The following KIR3DL2 variants were observed in gnomAD, a reference collection of about 807,000 sequenced individuals.
The protein encoded by KIR3DL2 is killer cell immunoglobulin like receptor, three Ig domains and long cytoplasmic tail 2.
KIR3DL2 carries 42 observed loss-of-function variants against 41.6 expected under a neutral mutation model. The ratio of observed to expected loss-of-function variants is 1.01; its 90% CI spans 0.79 to 1.31. KIR3DL2 has a LOEUF of 1.31. Ranked by LOEUF, KIR3DL2 falls within the 50% of genes most tolerant of loss-of-function variation. The probability of loss-of-function intolerance (pLI) is 0.00; values close to 1 mark genes in which losing one functional copy is unlikely to be tolerated. For missense variants in KIR3DL2, 728 were observed against 576.8 expected (o/e 1.26, Z -2.68); for synonymous variants, 230 against 221.3 (o/e 1.04, Z -0.35).
chr19:54,850,505 C>T lies in KIR3DL2; in HGVS notation c.30C>T (p.Cys10=), dbSNP rs766674176. 7.8e-5 allele frequency: 125 copies of T among 1,603,514 alleles called. No homozygotes were observed. Among genetic ancestry groups the T allele is most frequent in the South Asian group, 1.7e-4 (15 of 90,794 alleles). ...CGCTCACGGTCGTCAGCATGGCGTG[C>T]GTTGGTGAGTCCTGGAAGGGAATAG... MSLTVVSMA[C]VGFFLLQGAW... is the part of the protein sequence containing the mutation. The change falls in exon 1 of 9, where the codon TGC becomes TGT. Residue 10 remains cysteine (C), a synonymous_variant. Coordinates refer to ENST00000326321, the MANE Select transcript of KIR3DL2 (RefSeq NM_006737.4).
intron 6 of KIR3DL2, among the ~76,000 whole-genome samples, chr19:54,864,501 C>A (rs2065375548): frequency 6.6e-6 from 1 of 151,988 alleles, no homozygotes; most frequent in South Asian, 2.1e-4. Flanking sequence ...ATGGAATGTT[C>A]TTCCATTTGT....
rs776512516 is a variant in KIR3DL2 at position 54,866,601 on chromosome 19, G to C, written c.1238G>C (p.Arg413Pro). 6.2e-7 allele frequency: 1 copy of C among 1,613,864 alleles called. No homozygotes were observed. Among genetic ancestry groups the C allele is most frequent in the Admixed American group, 1.7e-5 (1 of 60,010 alleles). Residue 413 changes from arginine (R) to proline (P), a missense_variant, in exon 9 of 9, where the codon CGC becomes CCC. Arg to Pro is a moderately radical substitution (Grantham distance 103). Transcript: ENST00000326321. ...GTTTTCATACAGAGAAAAATCAGTC[G>C]CCCTTCTCAGAGGCCCAAGACACCC... ...HCVFIQRKIS[R>P]PSQRPKTPLT...
In KIR3DL2 at chr19:54,852,271, T is replaced by C. The variant is rs767085956; in HGVS notation, c.344T>C (p.Ile115Thr). 1.2e-6 allele frequency: 2 copies of C among 1,607,718 alleles called. No individual in the cohort carries two copies. The highest frequency in any genetic ancestry group is 1.7e-6 in the Non-Finnish European group (2 of 1,177,124). The change falls in exon 3 of 9, where the codon ATC (isoleucine) becomes ACC (threonine). Residue 115 changes from isoleucine to threonine, a missense_variant. By Grantham distance (89) the Ile-to-Thr change is moderately conservative. Transcript: ENST00000326321. ...TCGGCACCCAGCAACCCCCTGGTGATCATGGTCACAGGTCAGAGGCTTTCT... is the reference window on the plus strand; with the variant it reads ...TCGGCACCCAGCAACCCCCTGGTGACCATGGTCACAGGTCAGAGGCTTTCT... Reference protein sequence around the residue: ...GWSAPSNPLVIMVTGNHRKPS... With the variant: ...GWSAPSNPLVTMVTGNHRKPS...
At position 54,853,821 on chromosome 19, in the gene KIR3DL2, T is replaced by C. The variant is rs2064499236; in HGVS notation, c.430T>C (p.Cys144Arg). The C allele has an allele frequency of 6.2e-7, 1 of 1,612,890 alleles. No individual in the cohort carries two copies. Among genetic ancestry groups the C allele is most frequent in the African/African-American group, 1.3e-5 (1 of 74,598 alleles). Residue 144 changes from cysteine (C) to arginine (R), a missense_variant, in exon 4 of 9, where the codon TGT (cysteine) becomes CGT (arginine). Cys to Arg is a radical substitution (Grantham distance 180). Coordinates refer to ENST00000326321, the MANE Select transcript of KIR3DL2 (RefSeq NM_006737.4). ...LKSGETVILQ[C>R]WSDVMFEHFF... ...ATCAGGAGAGACAGTCATCCTGCAA[T>C]GTTGGTCAGATGTCATGTTTGAGCA... is the stretch of plus-strand genomic sequence containing the variant.
intron 6 of KIR3DL2, among the ~76,000 whole-genome samples, chr19:54,865,490 C>T (rs1172260481): frequency 1.3e-5 from 2 of 152,124 alleles, no homozygotes; most frequent in African/African-American, 4.8e-5. Context: ...TTAATCTATT[C>T]ATGATGGATC....
intron 6 of KIR3DL2, among the ~76,000 whole-genome samples, chr19:54,862,604 A>G (rs1028512819): frequency 1.3e-5 from 2 of 151,872 alleles, no homozygotes; most frequent in Non-Finnish European, 2.9e-5. Context: ...TATCTGGGGG[A>G]AGCCAGAAAA....
In KIR3DL2 at chr19:54,853,929, T is replaced by A. The variant is rs1170512981; in HGVS notation, c.538T>A (p.Phe180Ile). ...CCATGATGGGGTCTCCAAGGCCAAC[T>A]TCTCCATCGGTCCCTTGATGCCTGT... is the stretch of plus-strand genomic sequence containing the variant. ...QIHDGVSKAN[F>I]SIGPLMPVLA... Residue 180 changes from phenylalanine (F) to isoleucine (I), a missense_variant, in exon 4 of 9, where the codon TTC becomes ATC. Physicochemically the swap from Phe to Ile is conservative, Grantham distance 21. Transcript: ENST00000326321. The A allele has an allele frequency of 6.2e-6, 10 of 1,613,336 alleles. No homozygotes were observed. Among genetic ancestry groups the A allele is most frequent in the East Asian group, 2.2e-5 (1 of 44,900 alleles).
rs1202071374 is a variant in KIR3DL2 at position 54,867,004 on chromosome 19, A to G, written c.*273A>G. The stretch of plus-strand genomic sequence containing the variant: ...CTTCCTAGTCCTACTTGAGGCTGCA[A>G]TCACACTGAGGAACTCACAATTCCA... On this transcript the variant is annotated 3_prime_UTR_variant, in exon 9 of 9. Transcript: ENST00000326321. The G allele has an allele frequency of 2.9e-5, 15 of 523,932 alleles. No individual in the cohort carries two copies. The highest frequency in any genetic ancestry group is 2.2e-4 in the South Asian group (9 of 41,738). 32.5% of individuals were successfully genotyped at this position (523,932 alleles called of 1,614,324 possible). A position where few individuals can be genotyped will look rare whatever the true frequency, so the allele number is the denominator to read the frequency against.
intron 6 of KIR3DL2, among the ~76,000 whole-genome samples, 197 bp from the exon 7 acceptor site, chr19:54,865,608 C>T (rs747256143): frequency 3.3e-5 from 5 of 152,084 alleles, no homozygotes; most frequent in Admixed American, 6.5e-5. Flanking sequence ...TAAACTAAAG[C>T]AGCTGTATCC....
At chr19:54,861,297 T>C (rs376352330) in intron 6 of KIR3DL2, among the ~76,000 whole-genome samples, 1 of 151,940 alleles carries the variant, frequency 6.6e-6, no homozygotes, top group Admixed American at 6.6e-5. Context: ...AATCAATACC[T>C]GGCAGAGGAG....
chr19:54,850,664 A>G (rs1165992843), intron 1 of KIR3DL2, among the ~76,000 whole-genome samples, 155 bp downstream of exon 1: 1 of 82,820 alleles, frequency 1.2e-5, no homozygotes, highest in Non-Finnish European at 2.4e-5. Flanking sequence ...ATGGGCCTGG[A>G]GTGGAGATAT....
rs750284008 is a variant in KIR3DL2 at position 54,866,499 on chromosome 19, A to C, written c.1159-23A>C. 8 of 1,613,762 alleles carry C rather than the reference A, an allele frequency of 5.0e-6. No individual in the cohort carries two copies. In the East Asian group the frequency reaches 1.3e-4, roughly 27 times the overall value. On this transcript the variant is annotated intron_variant, in intron 8 of 8. Transcript: ENST00000326321. ...CTGAAAAATGTGAGCACCCTCCCTCACTCAGCATTTCCCTCTCTCCAGGAC... is the reference window on the plus strand; with the variant it reads ...CTGAAAAATGTGAGCACCCTCCCTCCCTCAGCATTTCCCTCTCTCCAGGAC...
Position 54,867,063 on chromosome 19 carries a change from T to TA in KIR3DL2, c.*333dup, listed in dbSNP as rs1466478409. ...AGAGGCTCCCTCTTAACACGGCACT[T>TA]ACACACTTGCTGTTCCACCTTCCCT... On this transcript the variant is annotated 3_prime_UTR_variant, in exon 9 of 9. Coordinates refer to ENST00000326321, the MANE Select transcript of KIR3DL2 (RefSeq NM_006737.4). 5.6e-6 allele frequency: 2 copies of TA among 360,136 alleles called. No individual in the cohort carries two copies. Among genetic ancestry groups the TA allele is most frequent in the African/African-American group, 2.1e-5 (1 of 47,492 alleles). 22.3% of individuals were successfully genotyped at this position (360,136 alleles called of 1,614,324 possible).
chr19:54,850,989 A>C (rs1341427251), intron 1 of KIR3DL2, among the ~76,000 whole-genome samples: 1 of 134,152 alleles, frequency 7.5e-6, no homozygotes, highest in African/African-American at 2.8e-5. Flanking sequence ...AGGGGCCTGG[A>C]GTGGAGATAT....
chr19:54,855,525 G>A (rs2064676110), intron 4 of KIR3DL2, 94 bp from the exon 5 acceptor site: 2 of 1,504,898 alleles, frequency 1.3e-6, no homozygotes, highest in East Asian at 2.3e-5. Context: ...AGAGCATTAG[G>A]TCATAGAGCA....
intron 2 of KIR3DL2, 21 bp from the exon 3 acceptor site, chr19:54,851,977 C>T (rs561859675): frequency 8.2e-5 from 131 of 1,604,474 alleles, no homozygotes; most frequent in African/African-American, 7.0e-4. Context: ...CTCTCTAAGG[C>T]AGTGCCTCCT....
At chr19:54,862,488 A>G (rs1249494949) in intron 6 of KIR3DL2, among the ~76,000 whole-genome samples, 4 of 152,082 alleles carry the variant, frequency 2.6e-5, no homozygotes, top group Non-Finnish European at 4.4e-5. Context: ...TTCATTACTA[A>G]CAGATAAGCA....
At chr19:54,850,701 G>C (rs1347684419) in intron 1 of KIR3DL2, among the ~76,000 whole-genome samples, 192 bp downstream of exon 1, 1 of 131,046 alleles carries the variant, frequency 7.6e-6, no homozygotes, top group Non-Finnish European at 1.7e-5. Context: ...TATGGGCCTG[G>C]GTGTGGAGAT....
chr19:54,856,906 T>A (rs2064825154), intron 5 of KIR3DL2, among the ~76,000 whole-genome samples: 1 of 152,114 alleles, frequency 6.6e-6, no homozygotes, highest in African/African-American at 2.4e-5. Flanking sequence ...CCACCGTGTG[T>A]GTGTACTACA....
Sources: gnomAD v4.1 joint callset for allele counts (sites outside exome capture counted in the v4.1 genomes callset) on GRCh38, gnomAD v4.1.1 for gene constraint, MANE v1.5 for transcripts, NCBI Gene and HGNC (gene_info 2026-07-23, HGNC 2026-07-21) for gene names.